NKD1: variants seen among roughly 807,000 people sequenced by gnomAD.
The protein encoded by NKD1 is NKD inhibitor of Wnt signaling pathway 1.
In NKD1, 21 loss-of-function variants were observed where a neutral mutation model predicts 56.0. The observed-to-expected ratio is 0.38, with a 90% CI of 0.27 to 0.54. The LOEUF is 0.54. Among genes scored for constraint, NKD1 ranks in the 20% least tolerant of loss-of-function variants. The probability of loss-of-function intolerance (pLI) is 0.82; values close to 1 mark genes in which losing one functional copy is unlikely to be tolerated. For missense variants in NKD1, 578 were observed against 642.7 expected (o/e 0.90, Z 1.09); for synonymous variants, 263 against 265.7 (o/e 0.99, Z 0.10).
In NKD1 at chr16:50,632,343, T is replaced by C; in HGVS notation, c.758T>C (p.Ile253Thr). The change falls in exon 9 of 10, where the codon ATC becomes ACC. Residue 253 changes from isoleucine to threonine, a missense_variant. Physicochemically the swap from Ile to Thr is moderately conservative, Grantham distance 89 (BLOSUM62 -1). Transcript: ENST00000268459. This position sits in a 1 kb window ranked among gnomAD's most constrained non-coding sequence, Gnocchi z 4.1. ...GCYHHCVDEN[I>T]ERRNHYLDLA... ...TACCACCATTGCGTAGATGAGAACA[T>C]CGAGAGGAGAAACCACTACTTAGAT... The C allele has an allele frequency of 6.2e-7, 1 of 1,614,032 alleles. No individual in the cohort carries two copies. The highest frequency in any genetic ancestry group is 1.1e-5 in the South Asian group (1 of 91,074).
intron 5 of NKD1, 83 bp downstream of exon 5, chr16:50,621,791 C>A: frequency 2.0e-6 from 2 of 1,019,022 alleles, no homozygotes; most frequent in Non-Finnish European, 3.0e-6. Context: ...GAAGCTGAGG[C>A]TCTTCCAGAC....
chr16:50,588,805 T>C (rs1420317154), intron 3 of NKD1, among the ~76,000 whole-genome samples: 3 of 152,022 alleles, frequency 2.0e-5, no homozygotes, highest in East Asian at 1.9e-4. Context: ...GGTTTCACCA[T>C]GTTGGCCAGG....
chr16:50,577,761 T>A (rs1596716359), intron 3 of NKD1, among the ~76,000 whole-genome samples: 1 of 152,250 alleles, frequency 6.6e-6, no homozygotes, highest in Non-Finnish European at 1.5e-5. Context: ...TCACGCAGTA[T>A]TTGTCTTTGT....
intron 3 of NKD1, among the ~76,000 whole-genome samples, chr16:50,580,751 C>A (rs1203997056): frequency 6.6e-6 from 1 of 152,220 alleles, no homozygotes; most frequent in Non-Finnish European, 1.5e-5. Flanking sequence ...TCATTGGCAT[C>A]AACCTCTTAG....
rs1368607187 is a variant in NKD1, at chr16:50,633,541, C to G, written c.1173C>G (p.Leu391=). The change falls in exon 10 of 10, where the codon CTC becomes CTG. Residue 391 remains leucine, a synonymous_variant. Transcript: ENST00000268459. This position sits in a 1 kb window ranked among gnomAD's most constrained non-coding sequence, Gnocchi z 4.9. ...SAHLAASPAL[L]PSLAPLGHKK... is the part of the protein sequence containing the mutation. ...ACCTGGCTGCCAGCCCGGCCCTCCT[C>G]CCCTCCCTAGCCCCCCTCGGGCACA... 6 of 1,611,084 alleles carry G rather than the reference C, an allele frequency of 3.7e-6. No individual in the cohort carries two copies. The highest frequency in any genetic ancestry group is 5.1e-6 in the Non-Finnish European group (6 of 1,179,220).
intron 3 of NKD1, among the ~76,000 whole-genome samples, chr16:50,584,030 A>T (rs1040746881): frequency 6.6e-6 from 1 of 152,238 alleles, no homozygotes; most frequent in East Asian, 1.9e-4. Flanking sequence ...AGCTGTTGCC[A>T]TGTTGCAAAC....
intron 3 of NKD1, chr16:50,575,489 C>G: frequency 2.7e-6 from 1 of 375,844 alleles, no homozygotes; most frequent in Non-Finnish European, 3.7e-6. Context: ...GCAATATTCC[C>G]CCCAGAAATA....
chr16:50,570,093 T>G (rs546996850), intron 3 of NKD1, among the ~76,000 whole-genome samples: 1 of 152,320 alleles, frequency 6.6e-6, no homozygotes, highest in Admixed American at 6.5e-5. Context: ...ATTAATAATT[T>G]AAAAAAATCA....
intron 6 of NKD1, among the ~76,000 whole-genome samples, chr16:50,629,034 C>T (rs571293640): frequency 3.4e-4 from 51 of 151,508 alleles, no homozygotes; most frequent in African/African-American, 1.2e-3. Context: ...GGTGTGCTCA[C>T]GGCTCACTGC....
intron 4 of NKD1, among the ~76,000 whole-genome samples, chr16:50,621,188 G>C (rs1962078974): frequency 6.6e-6 from 1 of 152,258 alleles, no homozygotes; most frequent in Non-Finnish European, 1.5e-5. Context: ...TGGCACCTTT[G>C]AGGAGGCCAA....
At chr16:50,565,760 A>G (rs376991489) in intron 3 of NKD1, among the ~76,000 whole-genome samples, 3 of 152,380 alleles carry the variant, frequency 2.0e-5, no homozygotes, top group Non-Finnish European at 4.4e-5. Context: ...TCATGTATAC[A>G]TCTGTCTCCG....
chr16:50,602,038 G>A (rs1016462146), intron 3 of NKD1, among the ~76,000 whole-genome samples: 3 of 152,158 alleles, frequency 2.0e-5, no homozygotes, highest in African/African-American at 7.2e-5. Flanking sequence ...TTGTATCACT[G>A]GCCTGCATGT....
chr16:50,569,324 G>A (rs374887646), intron 3 of NKD1, among the ~76,000 whole-genome samples: 7 of 152,148 alleles, frequency 4.6e-5, no homozygotes, highest in South Asian at 2.1e-4. Flanking sequence ...GTGCAGTTTC[G>A]CCCATGAGAA....
At chr16:50,566,972 C>T (rs1960772703) in intron 3 of NKD1, among the ~76,000 whole-genome samples, 1 of 152,066 alleles carries the variant, frequency 6.6e-6, no homozygotes, top group Non-Finnish European at 1.5e-5. Flanking sequence ...CACCTATGGC[C>T]CCAGGTTAGG....
intron 3 of NKD1, among the ~76,000 whole-genome samples, chr16:50,590,810 G>C (rs1242342925): frequency 6.6e-6 from 1 of 152,076 alleles, no homozygotes; most frequent in African/African-American, 2.4e-5. Context: ...TTAGCATTAA[G>C]CCTTTTTTTT....
In NKD1 at chr16:50,553,013, C is replaced by G. The variant is rs146232293; in HGVS notation, c.192+3458C>G. On this transcript the variant is annotated intron_variant, in intron 3 of 9. Transcript: ENST00000268459. ...AGTACTGTGGAAGAGGAGCAATAAA[C>G]TGATCAGCACACGCGGCAAAGAACA... is the stretch of plus-strand genomic sequence containing the variant. 6.9e-3 allele frequency among the ~76,000 whole-genome samples: 1,044 copies of G among 152,332 alleles called. 8 individuals carry two copies. Among genetic ancestry groups the G allele is most frequent in the African/African-American group, 0.024 (1,005 of 41,574 alleles).
intron 3 of NKD1, among the ~76,000 whole-genome samples, chr16:50,551,360 C>T (rs1455525181): frequency 1.3e-5 from 2 of 152,158 alleles, no homozygotes; most frequent in East Asian, 3.8e-4. Context: ...CTCTCCCTCA[C>T]CCCCTCTCTC....
chr16:50,595,069 T>C (rs2151272657), intron 3 of NKD1, among the ~76,000 whole-genome samples: 1 of 152,290 alleles, frequency 6.6e-6, no homozygotes, highest in Non-Finnish European at 1.5e-5. Flanking sequence ...AAAGGTGGGC[T>C]TGTTGGTCTG....
At chr16:50,613,133 G>A (rs1961884528) in intron 4 of NKD1, among the ~76,000 whole-genome samples, 1 of 152,104 alleles carries the variant, frequency 6.6e-6, no homozygotes, top group African/African-American at 2.4e-5. Flanking sequence ...CACTTCTGAG[G>A]TGGAGGTTTT....
Sources: allele counts gnomAD v4.1 joint callset (sites outside exome capture counted in the v4.1 genomes callset), GRCh38; gene constraint gnomAD v4.1.1; non-coding constraint Gnocchi (gnomAD v3.1); transcripts MANE v1.5; gene names NCBI Gene and HGNC (gene_info 2026-07-23, HGNC 2026-07-21).